The following FBXO3 variants were observed in gnomAD, a reference collection of about 807,000 sequenced individuals.
FBXO3 encodes the protein F-box only protein 3.
FBXO3 carries 17 observed loss-of-function variants against 64.8 expected under a neutral mutation model. That is an observed-to-expected ratio of 0.26 (90% CI 0.18 to 0.39). FBXO3 has a LOEUF of 0.39. Among genes scored for constraint, FBXO3 ranks in the 10% least tolerant of loss-of-function variants. The pLI is 1.00. For missense variants in FBXO3, 420 were observed against 589.9 expected (o/e 0.71, Z 2.98); for synonymous variants, 182 against 201.6 (o/e 0.90, Z 0.82).
intron 3 of FBXO3, 25 bp downstream of exon 3, chr11:33,768,826 G>A: frequency 6.2e-7 from 1 of 1,613,602 alleles, no homozygotes; most frequent in Non-Finnish European, 8.5e-7. Flanking sequence ...TGGAAACGGG[G>A]AAAGGGACCC....
chr11:33,757,319 G>T (rs1855122369), intron 4 of FBXO3, among the ~76,000 whole-genome samples: 1 of 151,710 alleles, frequency 6.6e-6, no homozygotes, highest in African/African-American at 2.4e-5. Flanking sequence ...GATGACTACT[G>T]CATGGTCTAC....
rs796489514 is a variant in FBXO3 at position 33,751,825 on chromosome 11, T to C, written c.725-218A>G. Among the ~76,000 whole-genome samples, 26 of 152,350 alleles carry C rather than the reference T, an allele frequency of 1.7e-4. 1 individual carries two copies. Among genetic ancestry groups the C allele is most frequent in the African/African-American group, 6.3e-4 (26 of 41,580 alleles). ...CTCCCCCTCTTCATCCCCCCAACTA[T>C]TGTTAGAGAATCCTCCAATGACCTT... is the stretch of plus-strand genomic sequence containing the variant. On this transcript the variant is annotated intron_variant, in intron 6 of 10. Transcript: ENST00000265651.
chr11:33,761,488 G>A (rs1855240433), intron 3 of FBXO3, among the ~76,000 whole-genome samples: 1 of 152,112 alleles, frequency 6.6e-6, no homozygotes, highest in African/African-American at 2.4e-5. Context: ...CACTACACAG[G>A]TGTTACAATT....
rs1352216880 is a variant in FBXO3 at position 33,741,730 on chromosome 11, C to T, written c.*178G>A. ...CATTTCTTCCTCTACCTCAAAAACACAAAGCAAACCCAAACAATCCAATTC... is the reference window on the plus strand; with the variant it reads ...CATTTCTTCCTCTACCTCAAAAACATAAAGCAAACCCAAACAATCCAATTC... On this transcript the variant is annotated 3_prime_UTR_variant, in exon 11 of 11. Coordinates refer to ENST00000265651, the MANE Select transcript of FBXO3 (RefSeq NM_012175.4). 3.9e-6 allele frequency: 2 copies of T among 511,348 alleles called. No individual in the cohort carries two copies. The highest frequency in any genetic ancestry group is 6.1e-6 in the Non-Finnish European group (2 of 327,514). The allele number at this position is 511,348 out of a possible 1,614,324, so 31.7% of individuals were successfully genotyped here. A position where few individuals can be genotyped will look rare whatever the true frequency, so the allele number is the denominator to read the frequency against.
chr11:33,742,337 T>A (rs1053827033), intron 10 of FBXO3: 3 of 273,504 alleles, frequency 1.1e-5, no homozygotes, highest in Admixed American at 5.2e-5. Flanking sequence ...TTTAAAAAAA[T>A]TATTATTTTT....
At chr11:33,757,656 TAAAAA>T (rs1170445394) in intron 4 of FBXO3, among the ~76,000 whole-genome samples, 1,725 of 23,914 alleles carry the variant, frequency 0.072, 55 homozygotes, top group Non-Finnish European at 0.12. Flanking sequence ...CACCATCTCT[TAAAAA>T]AAAAAAAAAA....
At chr11:33,745,108 T>C (rs1411791407) in intron 10 of FBXO3, 1 of 152,206 alleles carries the variant, frequency 6.6e-6, no homozygotes, top group Non-Finnish European at 1.5e-5. Flanking sequence ...GCGATAAAGA[T>C]GGAGATTTCA....
At chr11:33,769,854 G>GTTTTT (rs35225091) in intron 2 of FBXO3, among the ~76,000 whole-genome samples, 1 of 124,106 alleles carries the variant, frequency 8.1e-6, no homozygotes, top group Non-Finnish European at 1.6e-5. Flanking sequence ...CTCAGGGTGG[G>GTTTTT]TTTTTTTTTT....
intron 1 of FBXO3, chr11:33,771,868 A>G (rs1327548110): frequency 6.6e-6 from 1 of 152,148 alleles, no homozygotes; most frequent in Non-Finnish European, 1.5e-5. Flanking sequence ...CTGCCCTAGG[A>G]GCTAAATGAC....
At chr11:33,745,607 GA>G (rs1445440927) in intron 10 of FBXO3, 2 of 152,014 alleles carry the variant, frequency 1.3e-5, no homozygotes, top group East Asian at 3.8e-4. Context: ...AATTACAAGG[GA>G]AATCTGACAC....
chr11:33,750,514 A>G, intron 8 of FBXO3, 25 bp downstream of exon 8: 1 of 1,612,406 alleles, frequency 6.2e-7, no homozygotes. Flanking sequence ...ATTAACTGAA[A>G]GGTGACCCCA....
At chr11:33,773,268 T>C (rs1277541824) in intron 1 of FBXO3, 1 of 152,214 alleles carries the variant, frequency 6.6e-6, no homozygotes, top group African/African-American at 2.4e-5. Flanking sequence ...AGTTAAATTG[T>C]AAGTATTTTC....
At chr11:33,747,557 G>A (rs1412941928) in intron 9 of FBXO3, among the ~76,000 whole-genome samples, 1 of 146,166 alleles carries the variant, frequency 6.8e-6, no homozygotes, top group African/African-American at 2.5e-5. Flanking sequence ...TGTTGCCCAC[G>A]CTGGAGTGCA....
chr11:33,768,913 G>T lies in FBXO3; in HGVS notation c.296C>A (p.Ala99Asp). 6.2e-7 allele frequency: 1 copy of T among 1,614,076 alleles called. No homozygotes were observed. The highest frequency in any genetic ancestry group is 8.5e-7 in the Non-Finnish European group (1 of 1,179,960). ...CAAATATTTCTTGAGATCATCCCAG[G>T]CCTTTTTAATAGCAGCATAATGGTC... ...YIDHYAAIKK[A>D]WDDLKKYLEP... The change falls in exon 3 of 11, where the codon GCC (alanine) becomes GAC (aspartate). Residue 99 changes from alanine (A) to aspartate (D), a missense_variant. Coordinates refer to ENST00000265651, the MANE Select transcript of FBXO3 (RefSeq NM_012175.4).
chr11:33,751,728 G>T, intron 6 of FBXO3, 121 bp from the exon 7 acceptor site: 1 of 546,054 alleles, frequency 1.8e-6, no homozygotes. Flanking sequence ...AACATTTATA[G>T]ATATAATTGT....
intron 3 of FBXO3, among the ~76,000 whole-genome samples, chr11:33,765,679 G>A (rs1251739973): frequency 2.0e-5 from 3 of 152,158 alleles, no homozygotes; most frequent in South Asian, 2.1e-4. Context: ...GGGGGGCCTG[G>A]TGGGAGGTGA....
chr11:33,747,377 TAA>T, intron 9 of FBXO3, 57 bp from the exon 10 acceptor site: 2 of 1,366,684 alleles, frequency 1.5e-6, no homozygotes, highest in Non-Finnish European at 2.1e-6. Context: ...TTTATTACAA[TAA>T]ATAAGGTATG....
intron 9 of FBXO3, among the ~76,000 whole-genome samples, chr11:33,747,987 C>CAAACA (rs1401656424): frequency 2.0e-5 from 3 of 151,404 alleles, no homozygotes; most frequent in African/African-American, 7.3e-5. Flanking sequence ...GACACCAGTT[C>CAAACA]AAACAAAGAT....
chr11:33,765,661 A>G (rs552273907), intron 3 of FBXO3, among the ~76,000 whole-genome samples: 12 of 152,226 alleles, frequency 7.9e-5, no homozygotes, highest in Middle Eastern at 3.4e-3. Context: ...GTAATCCCCA[A>G]TATTGGAGGG....
Sources: allele counts gnomAD v4.1 joint callset (sites outside exome capture counted in the v4.1 genomes callset), GRCh38; gene constraint gnomAD v4.1.1; transcripts MANE v1.5; gene names NCBI Gene and HGNC (gene_info 2026-07-23, HGNC 2026-07-21).